The following LIN28B variants were observed in gnomAD, a reference collection of about 807,000 sequenced individuals.
LIN28B encodes the protein protein lin-28 homolog B.
LIN28B carries 5 observed loss-of-function variants against 21.9 expected under a neutral mutation model. The ratio of observed to expected loss-of-function variants is 0.23; its 90% CI spans 0.12 to 0.48. The LOEUF (loss-of-function observed/expected upper bound fraction) is 0.48, where lower values mean the gene tolerates loss of function less well. Ranked by LOEUF, LIN28B falls within the 20% of genes least tolerant of loss-of-function variation. LIN28B has a pLI of 0.98. For synonymous variants in LIN28B, 109 were observed against 111.3 expected (o/e 0.98, Z 0.13); for missense variants, 245 against 310.5 (o/e 0.79, Z 1.58).
intron 2 of LIN28B, among the ~76,000 whole-genome samples, chr6:105,017,563 C>A (rs2114320634): frequency 6.6e-6 from 1 of 152,186 alleles, no homozygotes; most frequent in South Asian, 2.1e-4. Flanking sequence ...AGTTTACAGA[C>A]AAGGAAACTG....
intron 3 of LIN28B, among the ~76,000 whole-genome samples, chr6:105,041,776 C>A (rs1771643163): frequency 6.6e-6 from 1 of 152,088 alleles, no homozygotes; most frequent in African/African-American, 2.4e-5. Flanking sequence ...TAAGGCCTGA[C>A]CCTAGACTTA....
intron 2 of LIN28B, among the ~76,000 whole-genome samples, chr6:104,969,228 C>T (rs1403237877): frequency 1.3e-5 from 2 of 152,154 alleles, no homozygotes; most frequent in Non-Finnish European, 2.9e-5. Context: ...GTTGAATACT[C>T]AGTCTAAGGA....
intron 2 of LIN28B, among the ~76,000 whole-genome samples, chr6:104,972,678 A>G (rs1290962638): frequency 7.2e-5 from 11 of 152,242 alleles, no homozygotes; most frequent in Admixed American, 6.5e-4. Flanking sequence ...TAAAATTAAT[A>G]CTAAATAAAT....
intron 2 of LIN28B, among the ~76,000 whole-genome samples, chr6:104,948,224 T>C (rs904786190): frequency 1.3e-5 from 2 of 152,102 alleles, no homozygotes; most frequent in African/African-American, 4.8e-5. Flanking sequence ...ATCCCAGCAC[T>C]TTGGGAGGCC....
chr6:104,974,518 A>G (rs1009532008), intron 2 of LIN28B, among the ~76,000 whole-genome samples: 1 of 151,238 alleles, frequency 6.6e-6, no homozygotes, highest in Non-Finnish European at 1.5e-5. Context: ...AAAGAAAAAA[A>G]GAAAATTCAG....
chr6:104,982,153 A>T (rs184011443), intron 2 of LIN28B, among the ~76,000 whole-genome samples: 36 of 152,144 alleles, frequency 2.4e-4, no homozygotes, highest in African/African-American at 8.7e-4. Context: ...TCTCTACTAA[A>T]AGTATAAAAA....
chr6:105,046,503 A>G (rs1771766838), intron 3 of LIN28B, among the ~76,000 whole-genome samples: 1 of 152,252 alleles, frequency 6.6e-6, no homozygotes, highest in Admixed American at 6.5e-5. Context: ...TTATAGCAGC[A>G]TGATTTATAA....
chr6:104,940,846 C>G (rs933687095), intron 2 of LIN28B: 5 of 152,398 alleles, frequency 3.3e-5, no homozygotes, highest in African/African-American at 1.2e-4. Context: ...ACCCTCCCGG[C>G]CCCGCCGCGC....
intron 2 of LIN28B, among the ~76,000 whole-genome samples, chr6:105,003,491 T>A (rs1300873224): frequency 6.6e-6 from 1 of 152,006 alleles, no homozygotes; most frequent in Non-Finnish European, 1.5e-5. Flanking sequence ...TCTCTCTTTC[T>A]CTCCCTGTGC....
intron 3 of LIN28B, among the ~76,000 whole-genome samples, chr6:105,027,332 C>G (rs1330772736): frequency 6.6e-6 from 1 of 152,064 alleles, no homozygotes; most frequent in Non-Finnish European, 1.5e-5. Flanking sequence ...AAAATCTTTT[C>G]CAGTTACATA....
intron 2 of LIN28B, among the ~76,000 whole-genome samples, chr6:104,999,331 A>C (rs1035283779): frequency 2.0e-5 from 3 of 151,846 alleles, no homozygotes; most frequent in Non-Finnish European, 1.5e-5. Flanking sequence ...TAGAGATGGG[A>C]TCTTGCTATG....
chr6:105,076,489 A>G (rs958267195), intron 3 of LIN28B, among the ~76,000 whole-genome samples: 4 of 152,228 alleles, frequency 2.6e-5, no homozygotes, highest in African/African-American at 7.2e-5. Flanking sequence ...TAGTTTGTCT[A>G]TGAAATATAA....
Position 105,079,665 on chromosome 6 carries a change from G to A in LIN28B, c.*882G>A, listed in dbSNP as rs537155421. The stretch of plus-strand genomic sequence containing the variant: ...CTTTTCCATGTTGTGAGGGTTGTAA[G>A]GGATTGTGTGGCAACAGCAGCTTCC... On this transcript the variant is annotated 3_prime_UTR_variant, in exon 4 of 4. Transcript: ENST00000345080. 3.7e-4 allele frequency: 56 copies of A among 152,626 alleles called. No homozygotes were observed. The highest frequency in any genetic ancestry group is 1.3e-3 in the African/African-American group (56 of 41,556). 9.5% of individuals were successfully genotyped at this position (152,626 alleles called of 1,614,324 possible).
chr6:105,027,979 C>T (rs754183398), intron 3 of LIN28B, among the ~76,000 whole-genome samples: 9 of 152,078 alleles, frequency 5.9e-5, no homozygotes, highest in Non-Finnish European at 1.3e-4. Context: ...AAAAGAAAGT[C>T]CATGAATGTG....
At chr6:105,019,715 C>T (rs1427925295) in intron 2 of LIN28B, among the ~76,000 whole-genome samples, 1 of 152,210 alleles carries the variant, frequency 6.6e-6, no homozygotes, top group African/African-American at 2.4e-5. Flanking sequence ...TCCTTCAACT[C>T]AGTTATCAGT....
At chr6:105,003,476 ATC>A (rs1034947986) in intron 2 of LIN28B, among the ~76,000 whole-genome samples, 2 of 151,762 alleles carry the variant, frequency 1.3e-5, no homozygotes, top group Non-Finnish European at 2.9e-5. Flanking sequence ...GTGAGATTAG[ATC>A]TCTCTCTCTT....
chr6:104,987,869 G>A (rs561695002), intron 2 of LIN28B, among the ~76,000 whole-genome samples: 4 of 152,024 alleles, frequency 2.6e-5, no homozygotes, highest in South Asian at 2.1e-4. Flanking sequence ...CCAGCCTTCC[G>A]AGTAGCTGGG....
At chr6:105,037,520 CTT>C (rs1281937626) in intron 3 of LIN28B, among the ~76,000 whole-genome samples, 2 of 131,284 alleles carry the variant, frequency 1.5e-5, no homozygotes, top group East Asian at 2.6e-4. Context: ...CTTCCCCTCT[CTT>C]TTTTTTTTGA....
chr6:105,022,647 A>G (rs1484403482), intron 2 of LIN28B, among the ~76,000 whole-genome samples: 1 of 152,022 alleles, frequency 6.6e-6, no homozygotes, highest in Non-Finnish European at 1.5e-5. Context: ...TTGCACAGAA[A>G]GGTCTGGGTG....
Sources: allele counts gnomAD v4.1 joint callset (sites outside exome capture counted in the v4.1 genomes callset), GRCh38; gene constraint gnomAD v4.1.1; transcripts MANE v1.5; gene names NCBI Gene and HGNC (gene_info 2026-07-23, HGNC 2026-07-21).